Variants in SPATS2L observed in about 807,000 individuals in gnomAD.
SPATS2L encodes SPATS2-like protein.
In SPATS2L, 30 loss-of-function variants were observed where a neutral mutation model predicts 59.6. The observed-to-expected ratio is 0.50, with a 90% CI of 0.38 to 0.68. The LOEUF is 0.68. Among genes scored for constraint, SPATS2L ranks in the 30% least tolerant of loss-of-function variants. The pLI, the probability that SPATS2L is intolerant of heterozygous loss-of-function variation, is 0.00. For synonymous variants in SPATS2L, 252 were observed against 263.5 expected (o/e 0.96, Z 0.42); for missense variants, 615 against 700.0 (o/e 0.88, Z 1.37).
At position 200,459,635 on chromosome 2, in the gene SPATS2L, G is replaced by T. The variant is rs191538040; in HGVS notation, c.789-134G>T. 1.8e-4 allele frequency: 124 copies of T among 707,576 alleles called. 1 individual carries two copies. In the African/African-American group the frequency reaches 2.0e-3, roughly 11 times the overall value. 43.8% of individuals were successfully genotyped at this position (707,576 alleles called of 1,614,324 possible). A position where few individuals can be genotyped will look rare whatever the true frequency, so the allele number is the denominator to read the frequency against. ...TTTGGAGAGGCAGAGTGTACTGCTG[G>T]CATTGTAGCATAGAAATATTTATGG... On this transcript the variant is annotated intron_variant, in intron 8 of 12. Coordinates refer to ENST00000409140, the MANE Select transcript of SPATS2L (RefSeq NM_001100423.2).
chr2:200,377,289 G>A (rs772419266), intron 2 of SPATS2L, among the ~76,000 whole-genome samples: 5 of 152,120 alleles, frequency 3.3e-5, no homozygotes, highest in African/African-American at 1.2e-4. Flanking sequence ...GCTTGTTTTC[G>A]GTCATAAGAA....
intron 9 of SPATS2L, among the ~76,000 whole-genome samples, chr2:200,460,371 A>G (rs992174178): frequency 3.3e-5 from 5 of 152,332 alleles, no homozygotes; most frequent in African/African-American, 1.2e-4. Flanking sequence ...ATTTGTCTTA[A>G]GCACTTCAGA....
intron 2 of SPATS2L, among the ~76,000 whole-genome samples, chr2:200,361,072 C>G (rs1432229525): frequency 9.5e-6 from 1 of 104,834 alleles, no homozygotes. Flanking sequence ...CCACTATTCC[C>G]CACCCCACCC....
chr2:200,450,316 G>C (rs993602798), intron 8 of SPATS2L, among the ~76,000 whole-genome samples: 2 of 152,246 alleles, frequency 1.3e-5, no homozygotes, highest in South Asian at 4.2e-4. Flanking sequence ...TCTACACCAA[G>C]ACACTGGCAA....
chr2:200,366,412 T>C (rs1208514826), intron 2 of SPATS2L, among the ~76,000 whole-genome samples: 1 of 152,244 alleles, frequency 6.6e-6, no homozygotes, highest in Non-Finnish European at 1.5e-5. Flanking sequence ...ATTCTGCTTA[T>C]GTTTGCTTTC....
intron 5 of SPATS2L, 97 bp from the exon 6 acceptor site, chr2:200,419,153 C>A (rs1473837205): frequency 7.8e-7 from 1 of 1,289,136 alleles, no homozygotes; most frequent in Non-Finnish European, 1.0e-6. Context: ...AGCCAGGAAC[C>A]AAAAAAGATA....
intron 2 of SPATS2L, among the ~76,000 whole-genome samples, chr2:200,349,871 A>G (rs13036124): frequency 0.75 from 114,622 of 152,056 alleles, 47,750 homozygotes; most frequent in South Asian, 0.94. Context: ...TCAACATCTA[A>G]ATGTCTTCCC....
chr2:200,305,982 C>T (rs1311237395), upstream of SPATS2L: 8 of 953,768 alleles, frequency 8.4e-6, no homozygotes, highest in South Asian at 1.9e-4. Flanking sequence ...TACTGTACTC[C>T]CAGGCAGAAA....
intron 2 of SPATS2L, among the ~76,000 whole-genome samples, chr2:200,330,075 T>A (rs1172660737): frequency 6.6e-6 from 1 of 152,216 alleles, no homozygotes; most frequent in Non-Finnish European, 1.5e-5. Flanking sequence ...TCTTCGCATG[T>A]CACTTACTTT....
chr2:200,396,011 GAAA>G (rs1218853084), intron 3 of SPATS2L, among the ~76,000 whole-genome samples: 110 of 10,566 alleles, frequency 0.01, no homozygotes, highest in South Asian at 0.052. Flanking sequence ...ACTCGATCTG[GAAA>G]AAAAAAAAAA....
intron 2 of SPATS2L, among the ~76,000 whole-genome samples, chr2:200,360,805 C>T (rs2081072939): frequency 6.6e-6 from 1 of 152,164 alleles, no homozygotes; most frequent in African/African-American, 2.4e-5. Context: ...AAAAGACTAG[C>T]ATGGCACATG....
chr2:200,352,780 G>T (rs939588208), intron 2 of SPATS2L, among the ~76,000 whole-genome samples: 1 of 152,100 alleles, frequency 6.6e-6, no homozygotes. Context: ...AAGGTGAAGG[G>T]GTAATGAATT....
intron 2 of SPATS2L, among the ~76,000 whole-genome samples, chr2:200,361,636 G>C (rs547295899): frequency 1.4e-4 from 21 of 152,270 alleles, no homozygotes; most frequent in African/African-American, 4.8e-4. Flanking sequence ...CTGAAACAGG[G>C]ATATTAAGTT....
upstream of SPATS2L, chr2:200,306,484 G>A (rs12614621): frequency 1.0e-6 from 1 of 1,001,828 alleles, no homozygotes. Context: ...AGGGCGTGTG[G>A]AGGGACGAGA....
At chr2:200,421,065 C>G (rs1011650335) in intron 6 of SPATS2L, among the ~76,000 whole-genome samples, 2 of 152,100 alleles carry the variant, frequency 1.3e-5, no homozygotes, top group Admixed American at 6.5e-5. Context: ...TTTAAACTCC[C>G]GTTATATTCA....
upstream of SPATS2L, chr2:200,306,370 T>C (rs1286762767): frequency 1.0e-6 from 1 of 1,000,702 alleles, no homozygotes; most frequent in Non-Finnish European, 1.2e-6. Flanking sequence ...TTCGGTGAAG[T>C]GGAGGTTTGG....
intron 2 of SPATS2L, among the ~76,000 whole-genome samples, chr2:200,347,987 G>A (rs995050586): frequency 1.3e-5 from 2 of 152,094 alleles, no homozygotes; most frequent in Admixed American, 6.5e-5. Flanking sequence ...CTAAAAGGGT[G>A]GAATCAAAAG....
intron 1 of SPATS2L, among the ~76,000 whole-genome samples, chr2:200,313,432 C>A (rs1309121514): frequency 1.3e-5 from 2 of 152,150 alleles, no homozygotes; most frequent in African/African-American, 4.8e-5. Context: ...AAATGTTTTG[C>A]AGTGGTAATC....
intron 8 of SPATS2L, among the ~76,000 whole-genome samples, chr2:200,448,582 A>G (rs1370558): frequency 2.0e-5 from 3 of 152,158 alleles, no homozygotes; most frequent in African/African-American, 4.8e-5. Context: ...AAAGGGCTCT[A>G]TCTCTTTCTG....
Sources: allele counts gnomAD v4.1 joint callset (sites outside exome capture counted in the v4.1 genomes callset), GRCh38; gene constraint gnomAD v4.1.1; transcripts MANE v1.5; gene names NCBI Gene and HGNC (gene_info 2026-07-23, HGNC 2026-07-21).